Variants in PKHD1 observed in about 807,000 individuals in gnomAD.
PKHD1 encodes fibrocystin.
Under a neutral mutation model 412.0 loss-of-function variants are expected in PKHD1, and 291 were observed. The observed-to-expected ratio is 0.71, with a 90% confidence interval of 0.64 to 0.78. The LOEUF is 0.78. Ranked by LOEUF, PKHD1 falls within the 30% of genes least tolerant of loss-of-function variation. PKHD1 has a pLI of 0.00. For missense variants in PKHD1, 4,825 were observed against 4,950.7 expected, an observed-to-expected ratio of 0.97 and a Z score of 0.76; for synonymous variants, 1,777 against 1,821.5, an observed-to-expected ratio of 0.98 and a Z score of 0.62.
At chr6:51,793,837 C>T (rs909248502) in intron 52 of PKHD1, among the ~76,000 whole-genome samples, 1 of 152,088 alleles carries the variant, frequency 6.6e-6, no homozygotes, top group Non-Finnish European at 1.5e-5. Context: ...TGAACGTATG[C>T]GTGCATGTGT....
At chr6:51,739,643 C>T (rs937350511) in intron 60 of PKHD1, among the ~76,000 whole-genome samples, 1 of 152,182 alleles carries the variant, frequency 6.6e-6, no homozygotes, top group African/African-American at 2.4e-5. Context: ...TTGCTCATTG[C>T]TATAGTTTCC....
At chr6:52,063,092 T>C (rs1176895029) in intron 13 of PKHD1, among the ~76,000 whole-genome samples, 2 of 152,208 alleles carry the variant, frequency 1.3e-5, no homozygotes, top group Non-Finnish European at 2.9e-5. Flanking sequence ...AAGTCTTTTT[T>C]CCCCATAACA....
intron 35 of PKHD1, among the ~76,000 whole-genome samples, chr6:51,980,454 G>T (rs1263006933): frequency 6.6e-6 from 1 of 152,102 alleles, no homozygotes; most frequent in Admixed American, 6.5e-5. Flanking sequence ...CTACAATGTT[G>T]TTCATGTATC....
chr6:51,964,020 G>T (rs1044922782), intron 35 of PKHD1, among the ~76,000 whole-genome samples: 1 of 152,102 alleles, frequency 6.6e-6, no homozygotes, highest in East Asian at 1.9e-4. Context: ...TGCCCAGAAC[G>T]TGACCTCATC....
chr6:51,756,042 A>G (rs1786955134), intron 55 of PKHD1, among the ~76,000 whole-genome samples: 1 of 152,142 alleles, frequency 6.6e-6, no homozygotes, highest in African/African-American at 2.4e-5. Context: ...CTAAAAGGAA[A>G]CATAAATTAA....
chr6:51,638,760 G>C, intron 64 of PKHD1, 89 bp downstream of exon 64: 1 of 794,314 alleles, frequency 1.3e-6, no homozygotes, highest in Non-Finnish European at 2.2e-6. Flanking sequence ...ATTCATGATA[G>C]TAGCTATTCC....
intron 60 of PKHD1, among the ~76,000 whole-genome samples, chr6:51,703,070 T>C (rs576218608): frequency 6.6e-6 from 1 of 152,074 alleles, no homozygotes; most frequent in East Asian, 1.9e-4. Flanking sequence ...TGTGCTGCAA[T>C]AAATGTCTGT....
intron 35 of PKHD1, among the ~76,000 whole-genome samples, chr6:51,973,328 C>A (rs10456154): frequency 0.011 from 1,700 of 152,298 alleles, 19 homozygotes; most frequent in South Asian, 0.031. Flanking sequence ...AATATAACTT[C>A]CATATAGCAA....
intron 33 of PKHD1, among the ~76,000 whole-genome samples, chr6:52,018,485 C>T (rs989257077): frequency 6.6e-6 from 1 of 152,174 alleles, no homozygotes; most frequent in Admixed American, 6.5e-5. Flanking sequence ...TCTTAATCTG[C>T]ATTTCAATCA....
chr6:51,854,866 G>C (rs956792689), intron 49 of PKHD1, among the ~76,000 whole-genome samples: 1 of 152,240 alleles, frequency 6.6e-6, no homozygotes, highest in African/African-American at 2.4e-5. Flanking sequence ...TTAGGCAGTT[G>C]CAAGTCCCAG....
chr6:52,017,628 C>G lies in PKHD1; in HGVS notation c.5382G>C (p.Val1794=). 6.2e-7 allele frequency: 1 copy of G among 1,612,216 alleles called. No homozygotes were observed. Among genetic ancestry groups the G allele is most frequent in the Non-Finnish European group, 8.5e-7 (1 of 1,178,958 alleles). ...TCAGGCCACACAGGAAGGCCAAGGA[C>G]ACTGCAGGAAACAGTCACCATTAGG... ...AFSCLVLPLD[V]SLAFLCGLKR... Residue 1794 remains valine, a splice_region_variant and synonymous_variant, in exon 34 of 67, where the codon GTG becomes GTC. Coordinates refer to ENST00000371117, the MANE Select transcript of PKHD1 (RefSeq NM_138694.4).
At chr6:52,001,141 G>T (rs548669688) in intron 35 of PKHD1, among the ~76,000 whole-genome samples, 2 of 152,108 alleles carry the variant, frequency 1.3e-5, no homozygotes, top group Admixed American at 1.3e-4. Context: ...AATACTTTTG[G>T]CATGAAATAT....
chr6:51,742,395 A>G (rs1784662889), intron 60 of PKHD1, among the ~76,000 whole-genome samples: 1 of 152,230 alleles, frequency 6.6e-6, no homozygotes, highest in Non-Finnish European at 1.5e-5. Context: ...CAAGCATGAA[A>G]TTTTATGGTA....
At chr6:51,744,606 T>C (rs1784964779) in intron 59 of PKHD1, 64 bp from the exon 60 acceptor site, 9 of 1,182,492 alleles carry the variant, frequency 7.6e-6, no homozygotes, top group Non-Finnish European at 1.1e-5. Context: ...AAAATATACA[T>C]TGGTAGTGCT....
At position 52,079,120 on chromosome 6, in the gene PKHD1, C is replaced by T. The variant is rs17638903; in HGVS notation, c.390+780G>A. Among the ~76,000 whole-genome samples, 74 of 152,228 alleles carry T rather than the reference C, an allele frequency of 4.9e-4. 1 individual carries two copies. The highest frequency in any genetic ancestry group is 1.6e-3 in the African/African-American group (68 of 41,542). ...AGGGCAACCACATCGACAGGAGTACCGCCAAATCTCTGCCTTTCATAAACC... is the reference window on the plus strand; with the variant it reads ...AGGGCAACCACATCGACAGGAGTACTGCCAAATCTCTGCCTTTCATAAACC... On this transcript the variant is annotated intron_variant, in intron 5 of 66. Coordinates refer to ENST00000371117, the MANE Select transcript of PKHD1 (RefSeq NM_138694.4).
chr6:51,910,536 C>A (rs1367510713), intron 39 of PKHD1, among the ~76,000 whole-genome samples: 3 of 152,112 alleles, frequency 2.0e-5, no homozygotes, highest in Non-Finnish European at 4.4e-5. Context: ...AAAGAAATGA[C>A]TTATTTTGAG....
At chr6:51,741,161 A>T in intron 60 of PKHD1, 1 of 518,932 alleles carries the variant, frequency 1.9e-6, no homozygotes, top group Non-Finnish European at 3.8e-6. Flanking sequence ...TTTGTGCCTA[A>T]ATAGCATATT....
intron 60 of PKHD1, among the ~76,000 whole-genome samples, chr6:51,667,383 A>G (rs1264732038): frequency 5.9e-5 from 9 of 151,334 alleles, no homozygotes; most frequent in Middle Eastern, 3.4e-3. Context: ...CCCACTTTTT[A>G]ATGGGGTTGT....
intron 31 of PKHD1, 22 bp downstream of exon 31, chr6:52,027,807 C>T (rs538888519): frequency 1.9e-6 from 3 of 1,548,536 alleles, no homozygotes; most frequent in Admixed American, 1.7e-5. Flanking sequence ...TAATTGATAA[C>T]AGTCACATAA....
Sources: gnomAD v4.1 joint callset for allele counts (sites outside exome capture counted in the v4.1 genomes callset) on GRCh38, gnomAD v4.1.1 for gene constraint, MANE v1.5 for transcripts, NCBI Gene and HGNC (gene_info 2026-07-23, HGNC 2026-07-21) for gene names.